PCDHGA7: variants seen among roughly 807,000 people sequenced by gnomAD.
PCDHGA7 encodes protocadherin gamma-A7.
A neutral mutation model predicts 58.3 loss-of-function variants in PCDHGA7; 44 were observed. The ratio of observed to expected loss-of-function variants is 0.75; its 90% confidence interval spans 0.59 to 0.97. PCDHGA7 has a LOEUF of 0.97. Ranked by LOEUF, PCDHGA7 falls within the 50% of genes least tolerant of loss-of-function variation. PCDHGA7 has a pLI of 0.00. For missense variants in PCDHGA7, 1,266 were observed against 1,188.7 expected (o/e 1.06, Z -0.96); for synonymous variants, 516 against 504.2 (o/e 1.02, Z -0.31).
At chr5:141,390,047 C>T in intron 1 of PCDHGA7, 1 of 1,614,074 alleles carries the variant, frequency 6.2e-7, no homozygotes, top group Non-Finnish European at 8.5e-7. Flanking sequence ...GCCCCGCCTC[C>T]TGGAGCTGCT....
At chr5:141,510,378 C>T (rs919650449) in intron 3 of PCDHGA7, among the ~76,000 whole-genome samples, 1 of 151,688 alleles carries the variant, frequency 6.6e-6, no homozygotes, top group African/African-American at 2.4e-5. Flanking sequence ...TCTACTCGTG[C>T]CAGGCCTTGC....
In PCDHGA7 at chr5:141,418,521, C is replaced by G. The variant is rs1246716171; in HGVS notation, c.2424+33198C>G. The G allele has an allele frequency of 3.7e-6, 6 of 1,613,840 alleles. No individual in the cohort carries two copies. The Admixed American group carries it at 1.0e-4, about 27-fold the overall frequency. On this transcript the variant is annotated intron_variant, in intron 1 of 3. Coordinates refer to ENST00000518325, the MANE Select transcript of PCDHGA7 (RefSeq NM_018920.4). ...ACCGCCTTAGATGGTGGGGACCCTC[C>G]CCGAAGCGGTACTGCTCAGATAAGA...
At chr5:141,460,987 A>C (rs201722325) in intron 1 of PCDHGA7, among the ~76,000 whole-genome samples, 1 of 92,990 alleles carries the variant, frequency 1.1e-5, no homozygotes, top group South Asian at 3.4e-4. Context: ...GTGTGTGTAT[A>C]TATATATATG....
chr5:141,399,620 CCTCTT>C (rs1251716471), intron 1 of PCDHGA7: 1 of 1,613,940 alleles, frequency 6.2e-7, no homozygotes, highest in Non-Finnish European at 8.5e-7. Context: ...CTGGCACTGG[CCTCTT>C]ACGTGTCCAT....
At chr5:141,475,987 C>A in intron 1 of PCDHGA7, 2 of 1,101,540 alleles carry the variant, frequency 1.8e-6, no homozygotes, top group Non-Finnish European at 2.6e-6. Flanking sequence ...AGCCGGCGAG[C>A]AAATCAACGG....
Position 141,413,755 on chromosome 5 carries a change from A to T in PCDHGA7, c.2424+28432A>T, listed in dbSNP as rs199577406. On this transcript the variant is annotated intron_variant, in intron 1 of 3. Transcript: ENST00000518325. ...AGTTCAGAGCCGTGCCAATGGCGTC[A>T]AGTACCCGGAGCTGGTACTGGAGCA... 1.6e-4 allele frequency: 266 copies of T among 1,612,936 alleles called. 3 individuals carry two copies. In the South Asian group the frequency reaches 2.3e-3, roughly 14 times the overall value.
At chr5:141,390,887 T>TGTGA (rs553460991) in intron 1 of PCDHGA7, 1,524 of 151,180 alleles carry the variant, frequency 0.01, 16 homozygotes, top group Non-Finnish European at 0.015. Flanking sequence ...TGTGTGTGTG[T>TGTGA]GAGAGAGATC....
At chr5:141,415,135 G>A (rs1224251849) in intron 1 of PCDHGA7, 7 of 1,613,666 alleles carry the variant, frequency 4.3e-6, no homozygotes, top group East Asian at 2.2e-5. Flanking sequence ...CCAGGACCAC[G>A]GCCAGCCCCC....
chr5:141,482,160 T>G (rs577572891), intron 1 of PCDHGA7, among the ~76,000 whole-genome samples: 1 of 151,854 alleles, frequency 6.6e-6, no homozygotes, highest in Admixed American at 6.6e-5. Context: ...GTCAAAGATA[T>G]GTAAGATTAA....
chr5:141,423,058 A>G (rs1235938743), intron 1 of PCDHGA7: 3 of 1,614,022 alleles, frequency 1.9e-6, no homozygotes, highest in African/African-American at 2.7e-5. Flanking sequence ...TCGCCTGCTT[A>G]AGGCCAGCGA....
In PCDHGA7 at chr5:141,432,330, A is replaced by G. The variant is rs760184218; in HGVS notation, c.2424+47007A>G. 82 of 1,614,134 alleles carry G rather than the reference A, an allele frequency of 5.1e-5. No individual in the cohort carries two copies. The highest frequency in any genetic ancestry group is 6.8e-5 in the Non-Finnish European group (80 of 1,180,048). Reference sequence around the variant, plus strand: ...GCGCTGAGCTCCTTCGACTACGAGCAGTTCCGAGACTTGCAAGTGAAAGTG... The same window carrying G: ...GCGCTGAGCTCCTTCGACTACGAGCGGTTCCGAGACTTGCAAGTGAAAGTG... On this transcript the variant is annotated intron_variant, in intron 1 of 3. Transcript: ENST00000518325. The surrounding 1 kb of genome is among the most constrained non-coding windows in gnomAD (Gnocchi z 6.0).
chr5:141,458,578 TG>T, intron 1 of PCDHGA7, among the ~76,000 whole-genome samples: 1 of 152,138 alleles, frequency 6.6e-6, no homozygotes. Context: ...TTTGTTTGTT[TG>T]TTTGTTTTGG....
chr5:141,399,478 G>A, intron 1 of PCDHGA7: 2 of 1,614,012 alleles, frequency 1.2e-6, no homozygotes, highest in East Asian at 2.2e-5. Flanking sequence ...TTTCCACCAG[G>A]CGTCCTACTT....
At chr5:141,416,274 A>G (rs2096010347) in intron 1 of PCDHGA7, 2 of 152,404 alleles carry the variant, frequency 1.3e-5, no homozygotes, top group Non-Finnish European at 1.5e-5. Flanking sequence ...CTTTTTGCAT[A>G]CAATTCTCTA....
intron 1 of PCDHGA7, among the ~76,000 whole-genome samples, chr5:141,386,304 C>T (rs1239396408): frequency 6.6e-6 from 1 of 152,104 alleles, no homozygotes; most frequent in African/African-American, 2.4e-5. Flanking sequence ...TAGTAAAGCT[C>T]AGTATATCAA....
chr5:141,432,335 C>T lies in PCDHGA7; in HGVS notation c.2424+47012C>T, dbSNP rs146691720. On this transcript the variant is annotated intron_variant, in intron 1 of 3. Coordinates refer to ENST00000518325, the MANE Select transcript of PCDHGA7 (RefSeq NM_018920.4). This position sits in a 1 kb window ranked among gnomAD's most constrained non-coding sequence, Gnocchi z 6.0. ...GAGCTCCTTCGACTACGAGCAGTTC[C>T]GAGACTTGCAAGTGAAAGTGATGGC... 2.6e-5 allele frequency: 42 copies of T among 1,614,126 alleles called. No individual in the cohort carries two copies. Among genetic ancestry groups the T allele is most frequent in the African/African-American group, 1.2e-4 (9 of 74,940 alleles).
chr5:141,389,074 G>C (rs1561622860), intron 1 of PCDHGA7: 11 of 1,614,030 alleles, frequency 6.8e-6, no homozygotes, highest in Non-Finnish European at 9.3e-6. Context: ...ACTTCTTCAA[G>C]AAACACGTAT....
At chr5:141,392,980 C>T (rs1327544903) in intron 1 of PCDHGA7, 1 of 1,613,716 alleles carries the variant, frequency 6.2e-7, no homozygotes, top group Non-Finnish European at 8.5e-7. Context: ...GGGCTGGACC[C>T]CCGGAAGCTG....
rs1368226100 is a variant in PCDHGA7, at chr5:141,511,268, C to T, written c.*95C>T. The stretch of plus-strand genomic sequence containing the variant: ...CAGGCCTCAGAGTTTCAGGGCTAAC[C>T]CCCAGAATACTGGTAGGGGCCAAGG... On this transcript the variant is annotated 3_prime_UTR_variant, in exon 4 of 4. Coordinates refer to ENST00000518325, the MANE Select transcript of PCDHGA7 (RefSeq NM_018920.4). 1.9e-6 allele frequency: 3 copies of T among 1,546,408 alleles called. No individual in the cohort carries two copies. The highest frequency in any genetic ancestry group is 2.4e-5 in the East Asian group (1 of 41,246).
Sources: allele counts gnomAD v4.1 joint callset (sites outside exome capture counted in the v4.1 genomes callset), GRCh38; gene constraint gnomAD v4.1.1; non-coding constraint Gnocchi (gnomAD v3.1); transcripts MANE v1.5; gene names NCBI Gene and HGNC (gene_info 2026-07-23, HGNC 2026-07-21).